GPAM: variants seen among roughly 807,000 people sequenced by gnomAD.
GPAM encodes glycerol-3-phosphate acyltransferase, mitochondrial.
In GPAM, 56 loss-of-function variants were observed where a neutral mutation model predicts 105.0. The ratio of observed to expected loss-of-function variants is 0.53; its 90% CI spans 0.43 to 0.67. The LOEUF (loss-of-function observed/expected upper bound fraction) is 0.67. Among genes scored for constraint, GPAM ranks in the 30% least tolerant of loss-of-function variants. GPAM has a pLI of 0.00. For synonymous variants in GPAM, 368 were observed against 354.4 expected (o/e 1.04, Z -0.43); for missense variants, 855 against 989.8 (o/e 0.86, Z 1.83).
rs765996273 is a variant in GPAM, at chr10:112,152,389, A to G, written c.*1161T>C. On this transcript the variant is annotated 3_prime_UTR_variant, in exon 22 of 22. Coordinates refer to ENST00000348367, the MANE Select transcript of GPAM (RefSeq NM_001244949.2). ...ATGTGGCATAAGGGTTTAGGCATAT[A>G]ACCCATAAAAATTTGTTAAAAGTCA... The G allele has an allele frequency of 3.0e-6, 3 of 984,986 alleles. No homozygotes were observed. Among genetic ancestry groups the G allele is most frequent in the Non-Finnish European group, 3.6e-6 (3 of 829,528 alleles). The allele number at this position is 984,986 out of a possible 1,614,324, so 61.0% of individuals were successfully genotyped here.
chr10:112,150,406 G>A lies in GPAM; in HGVS notation c.*3144C>T. Reference sequence around the variant, plus strand: ...ATTGGGGCTGTTCTCTCTATCAAAGGAAAGAGCTCCGATCACCTACATTAT... The same window carrying A: ...ATTGGGGCTGTTCTCTCTATCAAAGAAAAGAGCTCCGATCACCTACATTAT... On this transcript the variant is annotated 3_prime_UTR_variant, in exon 22 of 22. Transcript: ENST00000348367. 1 of 985,778 alleles carries A rather than the reference G, an allele frequency of 1.0e-6. No homozygotes were observed. The highest frequency in any genetic ancestry group is 1.2e-6 in the Non-Finnish European group (1 of 829,872). 61.1% of individuals were successfully genotyped at this position (985,778 alleles called of 1,614,324 possible).
intron 14 of GPAM, among the ~76,000 whole-genome samples, chr10:112,162,025 T>G (rs750356622): frequency 3.3e-5 from 5 of 152,198 alleles, no homozygotes; most frequent in Non-Finnish European, 5.9e-5. Flanking sequence ...ACACTTTTAT[T>G]GAAATATCAA....
intron 5 of GPAM, among the ~76,000 whole-genome samples, chr10:112,176,799 T>C (rs1262778363): frequency 6.6e-6 from 1 of 152,204 alleles, no homozygotes; most frequent in East Asian, 1.9e-4. Flanking sequence ...TGTGACTCTA[T>C]GTGAATGTGT....
Position 112,159,967 on chromosome 10 carries a change from C to T in GPAM, c.1846G>A (p.Val616Met). Residue 616 changes from valine (V) to methionine (M), a missense_variant, in exon 17 of 22, where the codon GTG (valine) becomes ATG (methionine). Coordinates refer to ENST00000348367, the MANE Select transcript of GPAM (RefSeq NM_001244949.2). ...TAGCACAGGCTGGCCGCCTTCCGCA[C>T]CAGCTGCTCCTGGCTGATCAGGTTA... Reference protein sequence around the residue: ...PPNLISQEQLVRKAASLCYLL... With the variant: ...PPNLISQEQLMRKAASLCYLL... 1 of 1,614,068 alleles carries T rather than the reference C, an allele frequency of 6.2e-7. No individual in the cohort carries two copies. The highest frequency in any genetic ancestry group is 1.7e-4 in the Middle Eastern group (1 of 6,060).
intron 7 of GPAM, among the ~76,000 whole-genome samples, 173 bp downstream of exon 7, chr10:112,173,526 C>T (rs549784642): frequency 2.0e-4 from 30 of 152,304 alleles, no homozygotes; most frequent in African/African-American, 7.0e-4. Context: ...TACCACAGTG[C>T]TACTTTGCAC....
In GPAM at chr10:112,150,169, G is replaced by A; in HGVS notation, c.*3381C>T. 2.0e-6 allele frequency: 2 copies of A among 985,172 alleles called. No individual in the cohort carries two copies. The highest frequency in any genetic ancestry group is 2.4e-6 in the Non-Finnish European group (2 of 829,738). 61.0% of individuals were successfully genotyped at this position (985,172 alleles called of 1,614,324 possible). A position where few individuals can be genotyped will look rare whatever the true frequency, so the allele number is the denominator to read the frequency against. On this transcript the variant is annotated 3_prime_UTR_variant, in exon 22 of 22. Transcript: ENST00000348367. Reference sequence around the variant, plus strand: ...CTAAAATGCCAGACGGCAAGTCTCAGGTTTCTAAAATAGTTTTAAAAAACA... The same window carrying A: ...CTAAAATGCCAGACGGCAAGTCTCAAGTTTCTAAAATAGTTTTAAAAAACA...
rs76508210 is a variant in GPAM, at chr10:112,209,407, C to T, written n.210+5761G>A. Among the ~76,000 whole-genome samples the T allele has an allele frequency of 3.3e-5, 5 of 152,052 alleles. No homozygotes were observed. The East Asian group carries it at 7.7e-4, about 23-fold the overall frequency. On this transcript the variant is annotated intron_variant and non_coding_transcript_variant, in intron 1 of 3. Coordinates refer to the GPAM transcript ENST00000480130. ...GGGGCCCCACCCCTACCTTACCCAG[C>T]GGGCTCAGCCTGAGCATCAGCCCAC... is the stretch of plus-strand genomic sequence containing the variant.
chr10:112,159,280 G>A (rs1243621080), intron 17 of GPAM, among the ~76,000 whole-genome samples: 1 of 146,910 alleles, frequency 6.8e-6, no homozygotes, highest in Admixed American at 6.9e-5. Flanking sequence ...GAGAACAGTG[G>A]CGCAATCTCA....
intron 1 of GPAM, among the ~76,000 whole-genome samples, chr10:112,202,254 T>C (rs1193370402): frequency 1.3e-5 from 2 of 152,244 alleles, no homozygotes; most frequent in Non-Finnish European, 2.9e-5. Context: ...AAAATCGATG[T>C]GCTGTGTGCC....
chr10:112,172,937 A>G (rs768148910), intron 8 of GPAM, 33 bp downstream of exon 8: 1 of 1,110,910 alleles, frequency 9.0e-7, no homozygotes, highest in South Asian at 1.2e-5. Context: ...AATTGAGGGG[A>G]AAATGGGGTA....
At chr10:112,186,195 C>T (rs1343739439), upstream of GPAM, among the ~76,000 whole-genome samples, 1 of 151,896 alleles carries the variant, frequency 6.6e-6, no homozygotes, top group African/African-American at 2.4e-5. Flanking sequence ...GCAGATTTCA[C>T]ATCAGAAAAA....
chr10:112,206,586 G>A (rs12572434), intron 1 of GPAM, among the ~76,000 whole-genome samples: 10 of 123,520 alleles, frequency 8.1e-5, no homozygotes, highest in Non-Finnish European at 1.5e-4. Context: ...ACCAAACACC[G>A]CATATTCTCA....
At chr10:112,154,288 A>G (rs906811852) in intron 21 of GPAM, 2 of 329,982 alleles carry the variant, frequency 6.1e-6, no homozygotes, top group Non-Finnish European at 1.1e-5. Flanking sequence ...TCCCAAAAAA[A>G]TCTGAAATCC....
chr10:112,154,810 G>A (rs1444816843), intron 20 of GPAM, 123 bp from the exon 21 acceptor site: 2 of 814,792 alleles, frequency 2.5e-6, no homozygotes, highest in Non-Finnish European at 4.1e-6. Flanking sequence ...GCAGACAAGG[G>A]TGGGGCCCCA....
In GPAM at chr10:112,168,484, A is replaced by C. The variant is rs1473380961; in HGVS notation, c.935T>G (p.Ile312Ser). The change falls in exon 11 of 22, where the codon ATC becomes AGC. Residue 312 changes from isoleucine (I) to serine (S), a missense_variant. Coordinates refer to ENST00000348367, the MANE Select transcript of GPAM (RefSeq NM_001244949.2). ...CCTAGAACGTGTGCCTTCCAGGAAG[A>C]TCTCCAAGAATTGCTGCTGTCGAAG... is the stretch of plus-strand genomic sequence containing the variant. ...ELLRQQQFLE[I>S]FLEGTRSRSG... The C allele has an allele frequency of 6.2e-7, 1 of 1,612,536 alleles. No individual in the cohort carries two copies.
At chr10:112,195,800 G>A (rs926064855) in intron 1 of GPAM, among the ~76,000 whole-genome samples, 3 of 152,212 alleles carry the variant, frequency 2.0e-5, no homozygotes, top group African/African-American at 7.2e-5. Flanking sequence ...CAGGGTGCAT[G>A]GCTGTTATAA....
chr10:112,170,534 A>G (rs1847295197), intron 9 of GPAM, among the ~76,000 whole-genome samples: 1 of 152,210 alleles, frequency 6.6e-6, no homozygotes, highest in Non-Finnish European at 1.5e-5. Flanking sequence ...GGAAATGGGT[A>G]TAGGAAATAT....
At chr10:112,165,557 G>A (rs965031240) in intron 12 of GPAM, among the ~76,000 whole-genome samples, 1 of 152,132 alleles carries the variant, frequency 6.6e-6, no homozygotes, top group African/African-American at 2.4e-5. Context: ...AGGTGTGGTA[G>A]CGGGCACCTG....
Position 112,182,675 on chromosome 10 carries a change from A to C in GPAM, c.-30+119T>G, listed in dbSNP as rs140405966. The C allele has an allele frequency of 1.8e-4, 27 of 152,296 alleles. No individual in the cohort carries two copies. In the East Asian group the frequency reaches 5.2e-3, roughly 29 times the overall value. 9.4% of individuals were successfully genotyped at this position (152,296 alleles called of 1,614,324 possible). On this transcript the variant is annotated intron_variant, in intron 2 of 21. Transcript: ENST00000348367. ...GAAGGCATATTCCAATTTCTTTACA[A>C]TCCCCACATGGGTTGGCTACAGTCA...
Sources: gnomAD v4.1 joint callset for allele counts (sites outside exome capture counted in the v4.1 genomes callset) on GRCh38, gnomAD v4.1.1 for gene constraint, MANE v1.5 for transcripts, NCBI Gene and HGNC (gene_info 2026-07-23, HGNC 2026-07-21) for gene names.